The following HIBADH variants were observed in gnomAD, a reference collection of about 807,000 sequenced individuals.
HIBADH encodes 3-hydroxyisobutyrate dehydrogenase, mitochondrial.
In HIBADH, 25 loss-of-function variants were observed where a neutral mutation model predicts 36.1. That is an observed-to-expected ratio of 0.69 (90% confidence interval 0.50 to 0.97). HIBADH has a LOEUF of 0.97. HIBADH is among the 50% of genes least tolerant of loss of function. The probability of loss-of-function intolerance (pLI) is 0.00; values close to 1 mark genes in which losing one functional copy is unlikely to be tolerated. For missense variants in HIBADH, 421 were observed against 418.0 expected (o/e 1.01, Z -0.06); for synonymous variants, 160 against 149.5 (o/e 1.07, Z -0.51).
chr7:27,562,008 T>C (rs1336853087), intron 4 of HIBADH, among the ~76,000 whole-genome samples: 1 of 152,096 alleles, frequency 6.6e-6, no homozygotes, highest in East Asian at 1.9e-4. Flanking sequence ...GTTTTAGGGG[T>C]GTGTGTCTTA....
At chr7:27,568,623 A>G (rs977181283) in intron 4 of HIBADH, among the ~76,000 whole-genome samples, 2 of 151,824 alleles carry the variant, frequency 1.3e-5, no homozygotes, top group Non-Finnish European at 2.9e-5. Flanking sequence ...AGGCCCAGCT[A>G]ATTTTTTTTT....
intron 4 of HIBADH, among the ~76,000 whole-genome samples, chr7:27,585,938 T>G (rs913938922): frequency 6.6e-6 from 1 of 152,206 alleles, no homozygotes; most frequent in African/African-American, 2.4e-5. Flanking sequence ...GGCAGAAAGC[T>G]GGCCTTCTTC....
At chr7:27,563,090 C>T (rs1275764156) in intron 4 of HIBADH, among the ~76,000 whole-genome samples, 1 of 152,176 alleles carries the variant, frequency 6.6e-6, no homozygotes, top group African/African-American at 2.4e-5. Context: ...CCTTCTCCAA[C>T]TCCTGATCCT....
intron 4 of HIBADH, among the ~76,000 whole-genome samples, chr7:27,605,040 T>C (rs1193227133): frequency 6.6e-6 from 1 of 152,110 alleles, no homozygotes; most frequent in Non-Finnish European, 1.5e-5. Flanking sequence ...CAATAGAATA[T>C]ACACTGAGCT....
At chr7:27,659,836 T>A (rs552253693) in intron 1 of HIBADH, among the ~76,000 whole-genome samples, 17 of 152,358 alleles carry the variant, frequency 1.1e-4, no homozygotes, top group Admixed American at 8.5e-4. Flanking sequence ...GGCAAGAGGA[T>A]GGCTTCACGC....
intron 4 of HIBADH, among the ~76,000 whole-genome samples, chr7:27,616,046 A>G (rs1015620630): frequency 6.6e-6 from 1 of 152,204 alleles, no homozygotes; most frequent in African/African-American, 2.4e-5. Flanking sequence ...TGCAAGCTAC[A>G]CAAGAAGCAT....
At chr7:27,606,142 CTTTTTAA>C (rs1785223988) in intron 4 of HIBADH, among the ~76,000 whole-genome samples, 1 of 152,100 alleles carries the variant, frequency 6.6e-6, no homozygotes, top group Non-Finnish European at 1.5e-5. Flanking sequence ...CAAAGATTTA[CTTTTTAA>C]AAGTTGAAAT....
chr7:27,629,595 G>A lies in HIBADH; in HGVS notation c.363-103C>T, dbSNP rs1785711609. 3 of 726,012 alleles carry A rather than the reference G, an allele frequency of 4.1e-6. No individual in the cohort carries two copies. In the South Asian group the frequency reaches 1.0e-4, roughly 25 times the overall value. The allele number at this position is 726,012 out of a possible 1,614,324, so 45.0% of individuals were successfully genotyped here. On this transcript the variant is annotated intron_variant, in intron 3 of 7. Coordinates refer to ENST00000265395, the MANE Select transcript of HIBADH (RefSeq NM_152740.4). ...CTGCTGAAAAGCTGCCATATATCAA[G>A]GAGGATTTTAGTTTAGTATTAAAAA...
intron 7 of HIBADH, 105 bp from the exon 8 acceptor site, chr7:27,526,477 A>G (rs565801903): frequency 5.9e-6 from 5 of 842,730 alleles, no homozygotes; most frequent in Non-Finnish European, 8.5e-6. Flanking sequence ...TGTAATCTGA[A>G]AAAATAAGAT....
At chr7:27,603,771 T>C (rs1275231097) in intron 4 of HIBADH, among the ~76,000 whole-genome samples, 1 of 152,152 alleles carries the variant, frequency 6.6e-6, no homozygotes, top group Non-Finnish European at 1.5e-5. Context: ...CATATTCCAC[T>C]GTACATTAAA....
At chr7:27,582,641 T>G (rs1784810043) in intron 4 of HIBADH, among the ~76,000 whole-genome samples, 1 of 152,144 alleles carries the variant, frequency 6.6e-6, no homozygotes, top group Non-Finnish European at 1.5e-5. Flanking sequence ...GAATGAATCT[T>G]TATGGCCTAG....
chr7:27,545,832 A>C (rs1404282), intron 4 of HIBADH, among the ~76,000 whole-genome samples: 121,262 of 152,156 alleles, frequency 0.8, 48,772 homozygotes, highest in East Asian at 0.97. Context: ...AAACTTCCTA[A>C]AAAGTCAGCA....
chr7:27,637,330 T>C (rs1785857995), intron 2 of HIBADH, among the ~76,000 whole-genome samples: 1 of 152,216 alleles, frequency 6.6e-6, no homozygotes, highest in African/African-American at 2.4e-5. Flanking sequence ...AATCACTGCA[T>C]TCGCAATTTA....
intron 5 of HIBADH, chr7:27,541,746 T>C (rs775493644): frequency 1.8e-5 from 8 of 438,418 alleles, no homozygotes; most frequent in Non-Finnish European, 4.5e-6. Context: ...TCAAGGTTTA[T>C]GGTATTGCAC....
intron 1 of HIBADH, 86 bp from the exon 2 acceptor site, chr7:27,649,719 A>G: frequency 4.8e-6 from 5 of 1,043,964 alleles, no homozygotes; most frequent in Non-Finnish European, 5.2e-6. Context: ...CAATTGTTAG[A>G]TTTTTTTTTT....
At chr7:27,532,556 C>G (rs921424721) in intron 6 of HIBADH, among the ~76,000 whole-genome samples, 2 of 152,172 alleles carry the variant, frequency 1.3e-5, no homozygotes, top group African/African-American at 2.4e-5. Context: ...ATGGAATTAC[C>G]ACATAATACA....
intron 4 of HIBADH, among the ~76,000 whole-genome samples, chr7:27,601,695 C>T (rs751500729): frequency 3.3e-5 from 5 of 152,008 alleles, no homozygotes; most frequent in African/African-American, 4.8e-5. Flanking sequence ...GGTATTCTGG[C>T]TTTTTAATAA....
intron 2 of HIBADH, among the ~76,000 whole-genome samples, chr7:27,644,378 T>A (rs1400768640): frequency 1.3e-5 from 2 of 151,978 alleles, no homozygotes; most frequent in Non-Finnish European, 2.9e-5. Flanking sequence ...GGCGGGTGGA[T>A]CACCTGAGGT....
chr7:27,655,321 G>T (rs2128297771), intron 1 of HIBADH, among the ~76,000 whole-genome samples: 1 of 152,262 alleles, frequency 6.6e-6, no homozygotes, highest in South Asian at 2.1e-4. Flanking sequence ...TGGTAGTTTG[G>T]TTACATAGGA....
Sources: allele counts gnomAD v4.1 joint callset (sites outside exome capture counted in the v4.1 genomes callset), GRCh38; gene constraint gnomAD v4.1.1; transcripts MANE v1.5; gene names NCBI Gene and HGNC (gene_info 2026-07-23, HGNC 2026-07-21).